The following MAGI2 variants were observed in gnomAD, a reference collection of about 807,000 sequenced individuals.
MAGI2 encodes membrane-associated guanylate kinase, WW and PDZ domain-containing protein 2.
Under a neutral mutation model 133.3 loss-of-function variants are expected in MAGI2, and 35 were observed. The ratio of observed to expected loss-of-function variants is 0.26; its 90% CI spans 0.20 to 0.35. The LOEUF (loss-of-function observed/expected upper bound fraction) is 0.35. Ranked by LOEUF, MAGI2 falls within the 10% of genes least tolerant of loss-of-function variation. MAGI2 has a pLI of 1.00. For missense variants in MAGI2, 1,636 were observed against 1,863.4 expected, an observed-to-expected ratio of 0.88 and a Z score of 2.25; for synonymous variants, 729 against 710.6, an observed-to-expected ratio of 1.03 and a Z score of -0.41.
intron 2 of MAGI2, among the ~76,000 whole-genome samples, chr7:78,676,086 T>C (rs193213223): frequency 2.6e-5 from 4 of 152,208 alleles, no homozygotes; most frequent in African/African-American, 9.6e-5. Flanking sequence ...TGCCATATAT[T>C]CAGTAATAAG....
chr7:78,690,386 C>A (rs1405512007), intron 2 of MAGI2, among the ~76,000 whole-genome samples: 1 of 152,130 alleles, frequency 6.6e-6, no homozygotes, highest in Non-Finnish European at 1.5e-5. Flanking sequence ...TGCTAAATTC[C>A]CATTCCTCTC....
At chr7:78,318,404 C>T (rs953581246) in intron 9 of MAGI2, among the ~76,000 whole-genome samples, 8 of 151,886 alleles carry the variant, frequency 5.3e-5, no homozygotes, top group African/African-American at 1.5e-4. Context: ...TGAAATAAAG[C>T]GAGAAGACAA....
intron 2 of MAGI2, among the ~76,000 whole-genome samples, chr7:78,870,131 A>G (rs73143055): frequency 0.063 from 9,557 of 152,132 alleles, 369 homozygotes; most frequent in Middle Eastern, 0.11. Context: ...AAATAACCTC[A>G]TCAAAAAGTG....
rs187916731 is a variant in MAGI2 at position 78,818,435 on chromosome 7, T to A, written c.418+188655A>T. On this transcript the variant is annotated intron_variant, in intron 2 of 21. Transcript: ENST00000354212. ...CTGCCAAACATGGCTGCCTAAGACA[T>A]GGCTGAAATAATTTCTACTTATGCT... is the stretch of plus-strand genomic sequence containing the variant. Among the ~76,000 whole-genome samples, 11 of 152,314 alleles carry A rather than the reference T, an allele frequency of 7.2e-5. No homozygotes were observed. The East Asian group carries it at 1.2e-3, about 16-fold the overall frequency.
intron 21 of MAGI2, among the ~76,000 whole-genome samples, chr7:78,047,518 G>A (rs546637869): frequency 1.3e-5 from 2 of 152,250 alleles, no homozygotes; most frequent in South Asian, 2.1e-4. Flanking sequence ...AGTAACTCAG[G>A]AGCCAAGCCT....
intron 2 of MAGI2, among the ~76,000 whole-genome samples, chr7:78,980,787 TTTTTTA>T (rs1804714432): frequency 6.6e-6 from 1 of 151,894 alleles, no homozygotes; most frequent in African/African-American, 2.4e-5. Flanking sequence ...TGTTTTTTGT[TTTTTTA>T]AATATTGGAG....
intron 3 of MAGI2, among the ~76,000 whole-genome samples, chr7:78,574,778 T>C (rs918852372): frequency 2.0e-5 from 3 of 152,230 alleles, no homozygotes; most frequent in African/African-American, 4.8e-5. Context: ...ATGAGACACG[T>C]TGATTACAGG....
intron 9 of MAGI2, among the ~76,000 whole-genome samples, chr7:78,321,463 C>A (rs1373518890): frequency 1.3e-5 from 2 of 152,068 alleles, no homozygotes; most frequent in African/African-American, 4.8e-5. Flanking sequence ...AGAAATAACA[C>A]CACATATCTA....
At chr7:78,510,096 A>G (rs61069583) in intron 4 of MAGI2, among the ~76,000 whole-genome samples, 5,773 of 152,276 alleles carry the variant, frequency 0.038, 270 homozygotes, top group African/African-American at 0.11. Flanking sequence ...GGATCAGGGA[A>G]CATATTTGTA....
intron 2 of MAGI2, among the ~76,000 whole-genome samples, chr7:78,891,857 T>C (rs1796787163): frequency 6.6e-6 from 1 of 152,140 alleles, no homozygotes; most frequent in East Asian, 1.9e-4. Flanking sequence ...TTATTCAACA[T>C]AGTGTTGGAA....
At chr7:78,281,499 C>G (rs1013793875) in intron 9 of MAGI2, among the ~76,000 whole-genome samples, 2 of 152,168 alleles carry the variant, frequency 1.3e-5, no homozygotes, top group African/African-American at 4.8e-5. Context: ...TTCCTCTTAT[C>G]CTTCCACCAT....
At chr7:79,207,703 T>C (rs1006234225) in intron 1 of MAGI2, among the ~76,000 whole-genome samples, 4 of 151,802 alleles carry the variant, frequency 2.6e-5, no homozygotes, top group Non-Finnish European at 5.9e-5. Context: ...AAAATTCATA[T>C]GGAAAAACAA....
chr7:78,186,320 T>C (rs921832296), intron 12 of MAGI2, among the ~76,000 whole-genome samples: 20 of 152,172 alleles, frequency 1.3e-4, no homozygotes, highest in Admixed American at 1.2e-3. Flanking sequence ...TTTAGAATTC[T>C]AGAACCTAGA....
intron 1 of MAGI2, among the ~76,000 whole-genome samples, chr7:79,432,993 C>A (rs545200563): frequency 3.6e-4 from 55 of 152,280 alleles, no homozygotes; most frequent in Non-Finnish European, 6.6e-4. Context: ...TTGGGAGGAG[C>A]TAGAGCAAAT....
At chr7:78,868,759 A>G (rs56055591) in intron 2 of MAGI2, among the ~76,000 whole-genome samples, 13 of 107,468 alleles carry the variant, frequency 1.2e-4, no homozygotes, top group Admixed American at 5.4e-4. Flanking sequence ...GAAGTAATAC[A>G]TACTTTTTTT....
At chr7:78,790,590 T>C (rs530955348) in intron 2 of MAGI2, among the ~76,000 whole-genome samples, 3 of 152,130 alleles carry the variant, frequency 2.0e-5, no homozygotes, top group Non-Finnish European at 2.9e-5. Flanking sequence ...CCCACCACCA[T>C]GCCCAGCTAA....
At chr7:79,209,084 A>G (rs1370022271) in intron 1 of MAGI2, among the ~76,000 whole-genome samples, 1 of 152,004 alleles carries the variant, frequency 6.6e-6, no homozygotes, top group Non-Finnish European at 1.5e-5. Flanking sequence ...GTTAGAAGAA[A>G]TAAATGTAAG....
chr7:78,488,631 C>T (rs1793298389), intron 6 of MAGI2, among the ~76,000 whole-genome samples: 1 of 151,996 alleles, frequency 6.6e-6, no homozygotes, highest in African/African-American at 2.4e-5. Flanking sequence ...CAACTGCATA[C>T]AGTTGTACTA....
At chr7:79,293,496 T>C (rs1285945425) in intron 1 of MAGI2, among the ~76,000 whole-genome samples, 1 of 152,246 alleles carries the variant, frequency 6.6e-6, no homozygotes, top group Non-Finnish European at 1.5e-5. Context: ...TTTCAATAAT[T>C]ATTTTCTACA....
Sources: allele counts gnomAD v4.1 joint callset (sites outside exome capture counted in the v4.1 genomes callset), GRCh38; gene constraint gnomAD v4.1.1; transcripts MANE v1.5; gene names NCBI Gene and HGNC (gene_info 2026-07-23, HGNC 2026-07-21).